Variants in SCN1A observed in about 807,000 individuals in gnomAD.
SCN1A encodes sodium voltage-gated channel alpha subunit 1.
SCN1A carries 13 observed loss-of-function variants against 193.7 expected under a neutral mutation model. That is an observed-to-expected ratio of 0.07 (90% CI 0.04 to 0.11). SCN1A has a LOEUF of 0.11. Among genes scored for constraint, SCN1A ranks in the 10% least tolerant of loss-of-function variants. The pLI is 1.00. For synonymous variants in SCN1A, 781 were observed against 843.6 expected, an observed-to-expected ratio of 0.93 and a Z score of 1.29; for missense variants, 1,432 against 2,451.1, an observed-to-expected ratio of 0.58 and a Z score of 8.78.
rs75337708 is a variant in SCN1A, at chr2:166,007,987, G to A, written c.4002+1732C>T. Among the ~76,000 whole-genome samples the A allele has an allele frequency of 6.4e-3, 968 of 151,262 alleles. 14 individuals carry two copies. Among genetic ancestry groups the A allele is most frequent in the African/African-American group, 0.022 (923 of 41,394 alleles). On this transcript the variant is annotated intron_variant, in intron 23 of 28. Coordinates refer to ENST00000674923, the MANE Select transcript of SCN1A (RefSeq NM_001165963.4). ...ATTTTGACTCTACAATGCCAAACAC[G>A]TATTGAAGAGATTAGTCATTTTAGT...
At chr2:166,022,266 A>G (rs1694174920) in intron 19 of SCN1A, among the ~76,000 whole-genome samples, 1 of 152,116 alleles carries the variant, frequency 6.6e-6, no homozygotes, top group African/African-American at 2.4e-5. Flanking sequence ...TAAAATGAAA[A>G]AAATCTTCAA....
chr2:166,038,135 G>T lies in SCN1A; in HGVS notation c.2590-3C>A, dbSNP rs1402103675. ...TTTGCCAACTTGAAAACTCGCAGCT[G>T]GAAAATGAAAGATTAATATATATTT... is the stretch of plus-strand genomic sequence containing the variant. On this transcript the variant is annotated splice_polypyrimidine_tract_variant and splice_region_variant and intron_variant, in intron 17 of 28. Coordinates refer to ENST00000674923, the MANE Select transcript of SCN1A (RefSeq NM_001165963.4). 1 of 1,601,404 alleles carries T rather than the reference G, an allele frequency of 6.2e-7. No homozygotes were observed. Among genetic ancestry groups the T allele is most frequent in the African/African-American group, 1.3e-5 (1 of 74,308 alleles).
rs141203920 is a variant in SCN1A at position 165,986,768 on chromosome 2, A to T, written c.*4477T>A. On this transcript the variant is annotated 3_prime_UTR_variant, in exon 29 of 29. Transcript: ENST00000674923. ...TATACTTTTATCTATGTCTGTTTAC[A>T]TACATACATATATATATAAATGTAA... The T allele has an allele frequency of 6.6e-6, 1 of 151,652 alleles. No homozygotes were observed. The highest frequency in any genetic ancestry group is 1.5e-5 in the Non-Finnish European group (1 of 67,862). The allele number at this position is 151,652 out of a possible 1,614,324, so 9.4% of individuals were successfully genotyped here. A position where few individuals can be genotyped will look rare whatever the true frequency, so the allele number is the denominator to read the frequency against.
chr2:166,067,204 G>C (rs1683932892), intron 4 of SCN1A, among the ~76,000 whole-genome samples: 1 of 152,088 alleles, frequency 6.6e-6, no homozygotes, highest in African/African-American at 2.4e-5. Flanking sequence ...CTAGATCACT[G>C]AGTGTCTAAG....
intron 19 of SCN1A, among the ~76,000 whole-genome samples, chr2:166,020,949 A>T (rs1035225678): frequency 3.3e-5 from 5 of 152,220 alleles, no homozygotes; most frequent in Non-Finnish European, 7.4e-5. Context: ...ATTTTTATAC[A>T]TGTCATTTTT....
At chr2:166,083,977 G>A (rs1485808506) in intron 2 of SCN1A, among the ~76,000 whole-genome samples, 2 of 152,140 alleles carry the variant, frequency 1.3e-5, no homozygotes, top group African/African-American at 4.8e-5. Flanking sequence ...CCTCGTGACT[G>A]TGATTGTGGT....
At chr2:166,077,072 GTTT>G in intron 3 of SCN1A, 1 of 151,784 alleles carries the variant, frequency 6.6e-6, no homozygotes, top group African/African-American at 2.4e-5. Context: ...CTATATATTT[GTTT>G]TTGGTTTTCT....
At chr2:166,037,081 A>C (rs1018913493) in intron 18 of SCN1A, among the ~76,000 whole-genome samples, 1 of 152,186 alleles carries the variant, frequency 6.6e-6, no homozygotes, top group African/African-American at 2.4e-5. Context: ...TCATATTTCC[A>C]TGAGACTGGC....
At chr2:166,114,947 A>G (rs896872793) in intron 2 of SCN1A, among the ~76,000 whole-genome samples, 58 of 152,304 alleles carry the variant, frequency 3.8e-4, no homozygotes, top group African/African-American at 1.2e-3. Context: ...GAGATCACAA[A>G]TATTATTTTC....
chr2:165,994,975 A>G (rs1277963235), intron 27 of SCN1A, among the ~76,000 whole-genome samples: 1 of 151,952 alleles, frequency 6.6e-6, no homozygotes, highest in East Asian at 1.9e-4. Context: ...TAACATTGTC[A>G]GACACAGAAT....
intron 2 of SCN1A, among the ~76,000 whole-genome samples, chr2:166,112,502 T>G (rs555198945): frequency 1.4e-4 from 22 of 152,300 alleles, no homozygotes; most frequent in African/African-American, 5.3e-4. Flanking sequence ...TATTGCAATA[T>G]TGGCTTTTTT....
intron 2 of SCN1A, among the ~76,000 whole-genome samples, chr2:166,117,776 C>T (rs1250062039): frequency 6.6e-6 from 1 of 152,034 alleles, no homozygotes; most frequent in African/African-American, 2.4e-5. Context: ...GCAGGCGGAT[C>T]ACGAGATCAG....
chr2:166,080,153 CTTTA>C (rs928820525), intron 2 of SCN1A, among the ~76,000 whole-genome samples: 2 of 151,644 alleles, frequency 1.3e-5, no homozygotes, highest in African/African-American at 4.8e-5. Flanking sequence ...GATTTCACCT[CTTTA>C]TTCTAAAAAT....
intron 2 of SCN1A, among the ~76,000 whole-genome samples, chr2:166,087,461 C>A (rs6717932): frequency 0.19 from 29,160 of 151,806 alleles, 2,960 homozygotes; most frequent in South Asian, 0.24. Flanking sequence ...GCAACAAGAG[C>A]AAAACTCCAT....
chr2:166,096,457 T>G (rs1687392608), intron 2 of SCN1A, among the ~76,000 whole-genome samples: 1 of 152,076 alleles, frequency 6.6e-6, no homozygotes, highest in Non-Finnish European at 1.5e-5. Flanking sequence ...AATTTTTGTA[T>G]TTTTAGTAGA....
chr2:166,132,364 T>C (rs576668328), upstream of SCN1A, among the ~76,000 whole-genome samples: 194 of 115,306 alleles, frequency 1.7e-3, 1 homozygote, highest in Non-Finnish European at 3.4e-4. Context: ...TTTGTAGATG[T>C]CAATTTCCTA....
In SCN1A at chr2:166,125,671, C is replaced by G. The variant is rs150002230; in HGVS notation, c.-142+1253G>C. 5.9e-3 allele frequency among the ~76,000 whole-genome samples: 899 copies of G among 152,232 alleles called. 10 individuals carry two copies. Among genetic ancestry groups the G allele is most frequent in the African/African-American group, 0.019 (806 of 41,534 alleles). On this transcript the variant is annotated intron_variant, in intron 2 of 28. Coordinates refer to ENST00000674923, the MANE Select transcript of SCN1A (RefSeq NM_001165963.4). ...TGGTGATAGAGTTTACTTTGGGTAT[C>G]TAGTCGGTCTGGTTGCCCCTGGTAT...
chr2:166,099,151 A>C (rs1038558208), intron 2 of SCN1A, among the ~76,000 whole-genome samples: 8 of 152,200 alleles, frequency 5.3e-5, no homozygotes, highest in African/African-American at 1.9e-4. Flanking sequence ...GCACAAAAAC[A>C]GCTTATCCAC....
In SCN1A at chr2:165,998,024, T is replaced by C. The variant is rs1240584148; in HGVS notation, c.4476+14A>G. The stretch of plus-strand genomic sequence containing the variant: ...TTCTATCTCAGTGGGAGAGAAAATA[T>C]TAGAAATACTTATCTTCTTTTTCTG... On this transcript the variant is annotated intron_variant, in intron 26 of 28. Transcript: ENST00000674923. 2.5e-6 allele frequency: 4 copies of C among 1,589,806 alleles called. No homozygotes were observed. The highest frequency in any genetic ancestry group is 1.3e-5 in the African/African-American group (1 of 74,246).
Sources: gnomAD v4.1 joint callset for allele counts (sites outside exome capture counted in the v4.1 genomes callset) on GRCh38, gnomAD v4.1.1 for gene constraint, MANE v1.5 for transcripts, NCBI Gene and HGNC (gene_info 2026-07-23, HGNC 2026-07-21) for gene names.